Variants in EYS observed in about 807,000 individuals in gnomAD.
EYS encodes the protein EGF-like photoreceptor maintenance factor.
In EYS, 250 loss-of-function variants were observed where a neutral mutation model predicts 282.1. The ratio of observed to expected loss-of-function variants is 0.89; its 90% CI spans 0.80 to 0.98. The LOEUF is 0.98. Ranked by LOEUF, EYS falls within the 50% of genes least tolerant of loss-of-function variation. The pLI is 0.00. For synonymous variants in EYS, 1,355 were observed against 1,282.9 expected (o/e 1.06, Z -1.20); for missense variants, 4,016 against 3,709.0 (o/e 1.08, Z -2.15).
At chr6:63,842,255 A>T (rs1308268708) in intron 36 of EYS, among the ~76,000 whole-genome samples, 1 of 152,164 alleles carries the variant, frequency 6.6e-6, no homozygotes, top group Non-Finnish European at 1.5e-5. Flanking sequence ...ATTTTTCCAC[A>T]TCCTCTCCAG....
In EYS at chr6:64,873,880, A is replaced by AT. The variant is rs1202114274; in HGVS notation, c.2992+12816dup. On this transcript the variant is annotated intron_variant, in intron 19 of 42. Coordinates refer to ENST00000503581, the MANE Select transcript of EYS (RefSeq NM_001142800.2). ...ACAAATGAAAAAATAAATGTGGCACATTTTTTTCTTTTTGCATTAGAAATA... is the reference window on the plus strand; with the variant it reads ...ACAAATGAAAAAATAAATGTGGCACATTTTTTTTCTTTTTGCATTAGAAATA... Among the ~76,000 whole-genome samples, 5 of 152,086 alleles carry AT rather than the reference A, an allele frequency of 3.3e-5. No individual in the cohort carries two copies. In the East Asian group the frequency reaches 7.7e-4, roughly 24 times the overall value.
chr6:64,675,898 T>C (rs1583027575), intron 22 of EYS, among the ~76,000 whole-genome samples: 1 of 151,374 alleles, frequency 6.6e-6, no homozygotes, highest in Admixed American at 6.6e-5. Context: ...CTTTTAGACA[T>C]GTTGAGAAGA....
At chr6:65,438,322 T>C (rs1393643155) in intron 5 of EYS, among the ~76,000 whole-genome samples, 1 of 152,136 alleles carries the variant, frequency 6.6e-6, no homozygotes, top group African/African-American at 2.4e-5. Flanking sequence ...AACATACGTG[T>C]GCATGTGTCT....
At chr6:63,987,928 G>GT (rs1390627923) in intron 34 of EYS, among the ~76,000 whole-genome samples, 2 of 151,328 alleles carry the variant, frequency 1.3e-5, no homozygotes, top group African/African-American at 4.8e-5. Flanking sequence ...TCCATGACCC[G>GT]TAACAGGTCA....
Position 64,591,381 on chromosome 6 carries a change from G to A in EYS, c.4486C>T (p.Pro1496Ser), listed in dbSNP as rs1766405091. 2 of 1,551,126 alleles carry A rather than the reference G, an allele frequency of 1.3e-6. No individual in the cohort carries two copies. The highest frequency in any genetic ancestry group is 1.4e-5 in the African/African-American group (1 of 72,960). The part of the protein sequence containing the change: ...LLSPSMSPIF[P>S]AKVIISKQVT... The stretch of plus-strand genomic sequence containing the variant: ...TGTTTAGATATAATTACCTTAGCAG[G>A]AAAAATGGGAGACATCGAGGGGCTG... The change falls in exon 26 of 43, where the codon CCT (proline) becomes TCT (serine). Residue 1496 changes from proline to serine, a missense_variant. Transcript: ENST00000503581.
intron 13 of EYS, among the ~76,000 whole-genome samples, chr6:65,043,330 T>C (rs1448742365): frequency 6.6e-6 from 1 of 151,504 alleles, no homozygotes; most frequent in Non-Finnish European, 1.5e-5. Flanking sequence ...GTAATAAATA[T>C]GACAATAGTA....
intron 21 of EYS, among the ~76,000 whole-genome samples, chr6:64,814,979 C>T (rs1239839947): frequency 6.6e-6 from 1 of 151,948 alleles, no homozygotes; most frequent in Admixed American, 6.6e-5. Context: ...CTCATACCGA[C>T]AAGACTATTA....
chr6:65,613,959 G>C lies in EYS; in HGVS notation c.-333+25819C>G, dbSNP rs901811483. Among the ~76,000 whole-genome samples, 79 of 151,904 alleles carry C rather than the reference G, an allele frequency of 5.2e-4. 1 individual carries two copies. The highest frequency in any genetic ancestry group is 1.8e-3 in the African/African-American group (75 of 41,496). ...TAAATTAATAAAGTTGGAAACTTTT[G>C]CATACTTTTCTTAAACAACTGAAAA... On this transcript the variant is annotated intron_variant, in intron 2 of 42. Coordinates refer to ENST00000503581, the MANE Select transcript of EYS (RefSeq NM_001142800.2).
intron 36 of EYS, among the ~76,000 whole-genome samples, chr6:63,850,164 A>G (rs534294327): frequency 9.2e-5 from 14 of 152,368 alleles, no homozygotes; most frequent in East Asian, 5.8e-4. Flanking sequence ...CCTCCAAGAA[A>G]TATGAGACAA....
At chr6:65,317,826 C>CTTCCTTCCTTCCTTCCTTCCTTTCTT (rs1769344101) in intron 11 of EYS, among the ~76,000 whole-genome samples, 1 of 71,982 alleles carries the variant, frequency 1.4e-5, no homozygotes, top group African/African-American at 6.4e-5. Flanking sequence ...TCCTTCCTTC[C>CTTCCTTCCTTCCTTCCTTCCTTTCTT]TTTCTTTCTT....
rs532835010 is a variant in EYS at position 65,423,496 on chromosome 6, C to T, written c.863-18129G>A. Among the ~76,000 whole-genome samples, 5 of 151,980 alleles carry T rather than the reference C, an allele frequency of 3.3e-5. No individual in the cohort carries two copies. The South Asian group carries it at 6.2e-4, about 19-fold the overall frequency. The stretch of plus-strand genomic sequence containing the variant: ...AGCTTTTTAGAACAGATCCTGGGAC[C>T]TAGCTTCCAAAACTTCTGATTCAGC... On this transcript the variant is annotated intron_variant, in intron 5 of 42. Transcript: ENST00000503581.
chr6:64,860,186 A>G (rs1221369552), intron 19 of EYS, among the ~76,000 whole-genome samples: 2 of 152,166 alleles, frequency 1.3e-5, no homozygotes, highest in Non-Finnish European at 2.9e-5. Context: ...TGCAGTATGT[A>G]TTTACACTAA....
intron 8 of EYS, among the ~76,000 whole-genome samples, chr6:65,366,764 A>C (rs1764926117): frequency 2.0e-5 from 3 of 151,660 alleles, no homozygotes. Flanking sequence ...TCAAGGTGTC[A>C]GCAAGACTGG....
chr6:64,841,492 T>C (rs1278166317), intron 19 of EYS, among the ~76,000 whole-genome samples: 1 of 152,164 alleles, frequency 6.6e-6, no homozygotes, highest in African/African-American at 2.4e-5. Context: ...GAAATGTAGT[T>C]GATGCTGGGA....
intron 13 of EYS, among the ~76,000 whole-genome samples, chr6:65,056,403 G>A (rs1773415478): frequency 6.6e-6 from 1 of 151,916 alleles, no homozygotes; most frequent in East Asian, 1.9e-4. Context: ...TACCAGCCTG[G>A]GCAACACAGT....
At chr6:64,354,170 C>T (rs1402917139) in intron 29 of EYS, among the ~76,000 whole-genome samples, 1 of 151,574 alleles carries the variant, frequency 6.6e-6, no homozygotes, top group Non-Finnish European at 1.5e-5. Flanking sequence ...ATCACAATCC[C>T]TGATTTATTT....
At chr6:63,871,773 T>A (rs1250766185) in intron 35 of EYS, among the ~76,000 whole-genome samples, 2 of 152,150 alleles carry the variant, frequency 1.3e-5, no homozygotes, top group Non-Finnish European at 2.9e-5. Context: ...CTTTGCCAAC[T>A]GGGGGGATGT....
intron 12 of EYS, among the ~76,000 whole-genome samples, chr6:65,157,603 T>C (rs1009553147): frequency 3.3e-5 from 5 of 150,788 alleles, no homozygotes; most frequent in African/African-American, 1.2e-4. Flanking sequence ...AGTAGAATTT[T>C]TAGATAAAAG....
In EYS at chr6:65,043,254, G is replaced by T. The variant is rs1772993137; in HGVS notation, c.2137+14360C>A. On this transcript the variant is annotated intron_variant, in intron 13 of 42. Coordinates refer to ENST00000503581, the MANE Select transcript of EYS (RefSeq NM_001142800.2). ...TACTCTTATTTTGAAATATACACAT[G>T]TAGTAAGTGTTTAAAGCAAATTTTA... Among the ~76,000 whole-genome samples, 4 of 151,574 alleles carry T rather than the reference G, an allele frequency of 2.6e-5. No individual in the cohort carries two copies. In the Admixed American group the frequency reaches 2.6e-4, roughly 10 times the overall value.
Sources: gnomAD v4.1 joint callset for allele counts (sites outside exome capture counted in the v4.1 genomes callset) on GRCh38, gnomAD v4.1.1 for gene constraint, MANE v1.5 for transcripts, NCBI Gene and HGNC (gene_info 2026-07-23, HGNC 2026-07-21) for gene names.